FANK1: variants seen among roughly 807,000 people sequenced by gnomAD.
FANK1 encodes fibronectin type 3 and ankyrin repeat domains protein 1.
FANK1 carries 44 observed loss-of-function variants against 45.3 expected under a neutral mutation model. That is an observed-to-expected ratio of 0.97 (90% CI 0.76 to 1.25). The LOEUF is 1.25. FANK1 is among the 50% of genes most tolerant of loss of function. The pLI is 0.00. For synonymous variants in FANK1, 149 were observed against 152.5 expected, an observed-to-expected ratio of 0.98 and a Z score of 0.17; for missense variants, 391 against 424.4, an observed-to-expected ratio of 0.92 and a Z score of 0.69.
At chr10:125,922,790 T>C (rs1354104399) in intron 1 of FANK1, among the ~76,000 whole-genome samples, 2 of 152,252 alleles carry the variant, frequency 1.3e-5, no homozygotes, top group Non-Finnish European at 2.9e-5. Flanking sequence ...ACTAGGATTA[T>C]AGGCATGACC....
At chr10:125,898,586 C>T (rs1944770657) in intron 1 of FANK1, among the ~76,000 whole-genome samples, 1 of 151,106 alleles carries the variant, frequency 6.6e-6, no homozygotes, top group African/African-American at 2.4e-5. Context: ...TTGAGGCTCA[C>T]GGTAGGAAGA....
intron 5 of FANK1, 73 bp downstream of exon 5, chr10:125,996,697 A>T (rs1952358309): frequency 1.4e-6 from 2 of 1,478,948 alleles, no homozygotes; most frequent in African/African-American, 1.4e-5. Flanking sequence ...TCTGGTCAGG[A>T]TAAGGATGGG....
Position 126,004,960 on chromosome 10 carries a change from A to G in FANK1, c.616A>G (p.Arg206Gly). 6.2e-7 allele frequency: 1 copy of G among 1,614,208 alleles called. No individual in the cohort carries two copies. The highest frequency in any genetic ancestry group is 8.5e-7 in the Non-Finnish European group (1 of 1,180,040). The change falls in exon 7 of 11, where the codon AGA becomes GGA. Residue 206 changes from arginine (R) to glycine (G), a missense_variant. Physicochemically the swap from Arg to Gly is moderately radical, Grantham distance 125. Coordinates refer to ENST00000368693, the MANE Select transcript of FANK1 (RefSeq NM_145235.5). ...AAGACATGGCGCTTCTTGGCAGGCT[A>G]GAGACCTGGGAGGCTGTACAGCTCT... The part of the protein sequence containing the change: ...LRRHGASWQA[R>G]DLGGCTALHW...
At chr10:125,973,282 C>A in intron 1 of FANK1, 1 of 206,440 alleles carries the variant, frequency 4.8e-6, no homozygotes, top group Non-Finnish European at 8.5e-6. Flanking sequence ...GGATTCTAGG[C>A]TGGATGTCTT....
Position 125,904,090 on chromosome 10 carries a change from G to T in FANK1, c.13+7435G>T, listed in dbSNP as rs1387781228. ...CCAGGCTAGTCTTGCCACTATCCTA[G>T]TTTTTCTTCTGTATTGTTAGACAGG... On this transcript the variant is annotated intron_variant, in intron 1 of 10. Transcript: ENST00000368693. 3.3e-5 allele frequency among the ~76,000 whole-genome samples: 5 copies of T among 152,204 alleles called. No individual in the cohort carries two copies. In the South Asian group the frequency reaches 8.3e-4, roughly 25 times the overall value.
chr10:125,945,297 C>T (rs985198331), intron 1 of FANK1, among the ~76,000 whole-genome samples: 27 of 152,172 alleles, frequency 1.8e-4, no homozygotes, highest in African/African-American at 5.5e-4. Flanking sequence ...CCAGTGTGAG[C>T]GACGCAGAAG....
At chr10:125,953,104 G>A (rs1949358616) in intron 1 of FANK1, among the ~76,000 whole-genome samples, 2 of 152,214 alleles carry the variant, frequency 1.3e-5, no homozygotes, top group South Asian at 2.1e-4. Context: ...CCCAGCCTCA[G>A]AGTTTGGGTC....
At chr10:125,998,023 A>G (rs1484401461) in intron 6 of FANK1, among the ~76,000 whole-genome samples, 1 of 152,260 alleles carries the variant, frequency 6.6e-6, no homozygotes, top group African/African-American at 2.4e-5. Flanking sequence ...CGTGACACAC[A>G]TAAAGGACAG....
At chr10:125,991,078 G>A (rs140869868) in intron 3 of FANK1, among the ~76,000 whole-genome samples, 3,129 of 152,308 alleles carry the variant, frequency 0.021, 95 homozygotes, top group African/African-American at 0.067. Flanking sequence ...TGGGGACACA[G>A]CCAAACTATA....
At chr10:125,995,020 C>CTT (rs11455539) in intron 3 of FANK1, 23,041 of 663,186 alleles carry the variant, frequency 0.035, 2 homozygotes, top group Non-Finnish European at 0.039. Flanking sequence ...AGCACTTTGT[C>CTT]TTTTTTTTTT....
chr10:125,907,570 G>C lies in FANK1; in HGVS notation c.13+10915G>C, dbSNP rs141819373. The C allele has an allele frequency of 1.2e-5, 11 of 889,908 alleles. No individual in the cohort carries two copies. In the African/African-American group the frequency reaches 2.4e-4, roughly 19 times the overall value. 55.1% of individuals were successfully genotyped at this position (889,908 alleles called of 1,614,324 possible). The stretch of plus-strand genomic sequence containing the variant: ...CAAATGTGATGGGTTGTTACTCCTG[G>C]GATGTGTGTGTGTGTGTGTGTGTGT... On this transcript the variant is annotated intron_variant, in intron 1 of 10. Coordinates refer to ENST00000368693, the MANE Select transcript of FANK1 (RefSeq NM_145235.5).
intron 1 of FANK1, among the ~76,000 whole-genome samples, chr10:125,940,214 A>G (rs1324730821): frequency 6.6e-6 from 1 of 152,092 alleles, no homozygotes; most frequent in Non-Finnish European, 1.5e-5. Flanking sequence ...TGCTCAGCAT[A>G]CGGAGGACCT....
At chr10:125,971,657 C>T (rs145715600) in intron 1 of FANK1, among the ~76,000 whole-genome samples, 2,465 of 152,040 alleles carry the variant, frequency 0.016, 29 homozygotes, top group South Asian at 0.032. Context: ...AGTCTCGCTC[C>T]GTCGCCCAGG....
In FANK1 at chr10:125,996,553, T is replaced by A; in HGVS notation, c.402T>A (p.Arg134=). The change falls in exon 5 of 11, where the codon CGT becomes CGA. Residue 134 remains arginine (R), a synonymous_variant. Coordinates refer to ENST00000368693, the MANE Select transcript of FANK1 (RefSeq NM_145235.5). ...TCTTTTCTCTGCTTTTCCCAAGCCG[T>A]GTTAAGGTTGATGTTCCCAATAAGT... ...DLLVRILQGG[R]VKVDVPNKFG... 6.2e-7 allele frequency: 1 copy of A among 1,614,116 alleles called. No homozygotes were observed. Among genetic ancestry groups the A allele is most frequent in the Non-Finnish European group, 8.5e-7 (1 of 1,179,984 alleles).
intron 7 of FANK1, among the ~76,000 whole-genome samples, chr10:126,006,336 A>T (rs1953197703): frequency 6.6e-6 from 1 of 152,142 alleles, no homozygotes; most frequent in Admixed American, 6.5e-5. Context: ...TTATAGGAAA[A>T]ATCTCAGTCA....
chr10:125,951,596 C>T (rs561428574), intron 1 of FANK1, among the ~76,000 whole-genome samples: 87 of 152,116 alleles, frequency 5.7e-4, no homozygotes, highest in Non-Finnish European at 1.1e-3. Flanking sequence ...AGTCTTACTT[C>T]TCTTCTGTTA....
rs1949022646 is a variant in FANK1, at chr10:125,949,129, A to C, written c.14-31032A>C. ...TGATGGGATGTATTTCAAAATAATA[A>C]GAGCTATCTATGGCAAACCCACAGC... is the stretch of plus-strand genomic sequence containing the variant. On this transcript the variant is annotated intron_variant, in intron 1 of 10. Coordinates refer to ENST00000368693, the MANE Select transcript of FANK1 (RefSeq NM_145235.5). Among the ~76,000 whole-genome samples, 3 of 152,170 alleles carry C rather than the reference A, an allele frequency of 2.0e-5. No homozygotes were observed. In the South Asian group the frequency reaches 6.2e-4, roughly 32 times the overall value.
intron 1 of FANK1, among the ~76,000 whole-genome samples, chr10:125,940,098 G>A (rs181038459): frequency 6.6e-5 from 10 of 152,068 alleles, no homozygotes; most frequent in Middle Eastern, 3.4e-3. Context: ...GTAGCCTGTC[G>A]CTCCACACCT....
intron 3 of FANK1, among the ~76,000 whole-genome samples, chr10:125,991,297 C>T (rs1288582329): frequency 3.4e-5 from 4 of 117,456 alleles, no homozygotes; most frequent in Non-Finnish European, 7.5e-5. Flanking sequence ...TGATCCTGGC[C>T]ATTTCACTGC....
Sources: gnomAD v4.1 joint callset for allele counts (sites outside exome capture counted in the v4.1 genomes callset) on GRCh38, gnomAD v4.1.1 for gene constraint, MANE v1.5 for transcripts, NCBI Gene and HGNC (gene_info 2026-07-23, HGNC 2026-07-21) for gene names.